The following ADCYAP1 variants were observed in gnomAD, a reference collection of about 807,000 sequenced individuals.
The protein encoded by ADCYAP1 is adenylate cyclase activating polypeptide 1.
ADCYAP1 carries 6 observed loss-of-function variants against 18.5 expected under a neutral mutation model. That is an observed-to-expected ratio of 0.32 (90% CI 0.18 to 0.64). The LOEUF (loss-of-function observed/expected upper bound fraction) is 0.64. Ranked by LOEUF, ADCYAP1 falls within the 30% of genes least tolerant of loss-of-function variation. ADCYAP1 has a pLI of 0.77. For synonymous variants in ADCYAP1, 136 were observed against 113.9 expected (o/e 1.19, Z -1.24); for missense variants, 314 against 253.6 (o/e 1.24, Z -1.62).
upstream of ADCYAP1, chr18:904,428 G>A (rs1177732839): frequency 7.8e-7 from 1 of 1,285,776 alleles, no homozygotes; most frequent in East Asian, 5.6e-5. Flanking sequence ...GTACTTAAAG[G>A]CAACAGGCAG....
At chr18:908,934 T>C (rs188514449) in intron 4 of ADCYAP1, among the ~76,000 whole-genome samples, 239 of 152,278 alleles carry the variant, frequency 1.6e-3, no homozygotes, top group African/African-American at 5.6e-3. Flanking sequence ...GCCTACAGCC[T>C]GTCGACTTAT....
rs1038526383 is a variant in ADCYAP1 at position 910,152 on chromosome 18, T to C, written c.*517T>C. Reference sequence around the variant, plus strand: ...CTCCAGGGAGATTTTGAGGTAAAGATATGGAGAATTGCTGAAGGGCATTCT... The same window carrying C: ...CTCCAGGGAGATTTTGAGGTAAAGACATGGAGAATTGCTGAAGGGCATTCT... On this transcript the variant is annotated 3_prime_UTR_variant, in exon 5 of 5. Transcript: ENST00000450565. 3 of 152,530 alleles carry C rather than the reference T, an allele frequency of 2.0e-5. No individual in the cohort carries two copies. The highest frequency in any genetic ancestry group is 6.5e-5 in the Admixed American group (1 of 15,268). The allele number at this position is 152,530 out of a possible 1,614,324, so 9.4% of individuals were successfully genotyped here. A position where few individuals can be genotyped will look rare whatever the true frequency, so the allele number is the denominator to read the frequency against.
chr18:908,316 G>A lies in ADCYAP1; in HGVS notation c.294G>A (p.Gln98=), dbSNP rs902479672. The stretch of plus-strand genomic sequence containing the variant: ...AGGCCTACCGCAAAGTGCTGGACCA[G>A]CTGTCCGCCGGGAAGCACCTGCAGT... The part of the protein sequence containing the change: ...LNEAYRKVLD[Q]LSAGKHLQSL... Residue 98 remains glutamine, a synonymous_variant, in exon 4 of 5, where the codon CAG becomes CAA. Transcript: ENST00000450565. The A allele has an allele frequency of 6.2e-7, 1 of 1,613,426 alleles. No individual in the cohort carries two copies. The highest frequency in any genetic ancestry group is 1.7e-5 in the Admixed American group (1 of 60,008).
chr18:906,957 AT>A (rs1050329662), intron 2 of ADCYAP1, among the ~76,000 whole-genome samples: 3 of 152,138 alleles, frequency 2.0e-5, no homozygotes, highest in Non-Finnish European at 4.4e-5. Context: ...ACCCTCAGCT[AT>A]TTTCAAGTTC....
chr18:909,353 G>T lies in ADCYAP1; in HGVS notation c.342-93G>T, dbSNP rs957334441. 2.3e-6 allele frequency: 3 copies of T among 1,292,750 alleles called. No individual in the cohort carries two copies. The African/African-American group carries it at 4.5e-5, about 19-fold the overall frequency. 80.1% of individuals were successfully genotyped at this position (1,292,750 alleles called of 1,614,324 possible). On this transcript the variant is annotated intron_variant, in intron 4 of 4. Transcript: ENST00000450565. ...TGCGAGCCCCGGGCCCTCCCCGAAG[G>T]CTCCCGCGTGGGGTGGGGCCCGCCT...
intron 4 of ADCYAP1, among the ~76,000 whole-genome samples, chr18:909,048 G>T (rs548449975): frequency 1.8e-4 from 28 of 152,328 alleles, no homozygotes; most frequent in African/African-American, 5.8e-4. Flanking sequence ...AGCCAGACTG[G>T]CATATGTAGG....
chr18:908,422 C>T (rs1598984813), intron 4 of ADCYAP1, 59 bp downstream of exon 4: 33 of 1,496,800 alleles, frequency 2.2e-5, no homozygotes, highest in Non-Finnish European at 2.9e-5. Flanking sequence ...GTGCGGGGCG[C>T]GCGGGGCGGG....
At chr18:907,441 A>T (rs930280885) in intron 2 of ADCYAP1, 8 of 415,308 alleles carry the variant, frequency 1.9e-5, no homozygotes, top group African/African-American at 2.8e-5. Context: ...TTACCCGCGA[A>T]GGGGGGGTGG....
rs2143125288 is a variant in ADCYAP1 at position 909,307 on chromosome 18, G to C, written c.342-139G>C. 3 of 786,018 alleles carry C rather than the reference G, an allele frequency of 3.8e-6. No individual in the cohort carries two copies. The East Asian group carries it at 8.8e-5, about 23-fold the overall frequency. 48.7% of individuals were successfully genotyped at this position (786,018 alleles called of 1,614,324 possible). On this transcript the variant is annotated intron_variant, in intron 4 of 4. Transcript: ENST00000450565. ...CTCCCCACGGCTGCTTCCAGGCAGA[G>C]GCGGGCGACGCGGTGGGCAGTGCGA... is the stretch of plus-strand genomic sequence containing the variant.
At chr18:907,568 G>A in intron 2 of ADCYAP1, 91 bp from the exon 3 acceptor site, 1 of 1,381,182 alleles carries the variant, frequency 7.2e-7, no homozygotes, top group East Asian at 2.7e-5. Context: ...TATCACCTGT[G>A]AAAATCCGCG....
rs772017243 is a variant in ADCYAP1 at position 908,254 on chromosome 18, CT to C, written c.243-10del. ...CAGTGACCCTGGGCGCGCACTTTGC[CT>C]CCCCGTTAGAGATGTCGCCCACGGG... is the stretch of plus-strand genomic sequence containing the variant. On this transcript the variant is annotated splice_polypyrimidine_tract_variant and intron_variant, in intron 3 of 4. Coordinates refer to ENST00000450565, the MANE Select transcript of ADCYAP1 (RefSeq NM_001099733.2). The C allele has an allele frequency of 6.2e-7, 1 of 1,607,804 alleles. No individual in the cohort carries two copies. The highest frequency in any genetic ancestry group is 8.5e-7 in the Non-Finnish European group (1 of 1,176,244).
chr18:905,186 A>C, intron 1 of ADCYAP1, 126 bp downstream of exon 1: 2 of 1,417,766 alleles, frequency 1.4e-6, no homozygotes, highest in East Asian at 5.2e-5. Context: ...CGCCGGGTAG[A>C]TGCATATATA....
In ADCYAP1 at chr18:907,680, C is replaced by A; in HGVS notation, c.132C>A (p.Gly44=). Reference sequence around the variant, plus strand: ...GCAGGCCAGAGGAAGAGGCGTACGGCGAGGACGGAAACCCGCTGCCAGACT... The same window carrying A: ...GCAGGCCAGAGGAAGAGGCGTACGGAGAGGACGGAAACCCGCTGCCAGACT... ...PGIRPEEEAY[G]EDGNPLPDFD... Residue 44 remains glycine, a synonymous_variant, in exon 3 of 5, where the codon GGC becomes GGA. Coordinates refer to ENST00000450565, the MANE Select transcript of ADCYAP1 (RefSeq NM_001099733.2). The A allele has an allele frequency of 6.3e-7, 1 of 1,575,264 alleles. No individual in the cohort carries two copies.
rs1363467352 is a variant in ADCYAP1, at chr18:904,884, C to T, written c.-178C>T. The T allele has an allele frequency of 1.4e-5, 18 of 1,288,272 alleles. No homozygotes were observed. The highest frequency in any genetic ancestry group is 1.6e-5 in the Non-Finnish European group (16 of 987,964). 79.8% of individuals were successfully genotyped at this position (1,288,272 alleles called of 1,614,324 possible). On this transcript the variant is annotated 5_prime_UTR_variant, in exon 1 of 5. Coordinates refer to ENST00000450565, the MANE Select transcript of ADCYAP1 (RefSeq NM_001099733.2). ...AAACTTTTGAGCAGAACACGAGCCT[C>T]GGCAAACGAGTCCCGCAGCTCCTCC...
At chr18:905,805 C>A (rs1246154170) in intron 2 of ADCYAP1, 2 of 442,962 alleles carry the variant, frequency 4.5e-6, no homozygotes, top group South Asian at 6.8e-5. Context: ...GGGCAGGGCA[C>A]GGCCCCTAGC....
intron 3 of ADCYAP1, 169 bp downstream of exon 3, chr18:907,959 G>A (rs1431972083): frequency 7.8e-7 from 1 of 1,276,238 alleles, no homozygotes; most frequent in South Asian, 1.8e-5. Flanking sequence ...AATCAGCAGC[G>A]GGCGGGTCTG....
In ADCYAP1 at chr18:907,721, C is replaced by T. The variant is rs576646476; in HGVS notation, c.173C>T (p.Pro58Leu). ...NPLPDFDGSE[P>L]PGAGSPASAP... ...CTGCCAGACTTCGATGGCTCGGAGC[C>T]GCCGGGCGCAGGGAGCCCCGCCTCC... Residue 58 changes from proline (P) to leucine (L), a missense_variant, in exon 3 of 5, where the codon CCG becomes CTG. Physicochemically the swap from Pro to Leu is moderately conservative, Grantham distance 98. Coordinates refer to ENST00000450565, the MANE Select transcript of ADCYAP1 (RefSeq NM_001099733.2). The T allele has an allele frequency of 1.3e-6, 2 of 1,538,266 alleles. No homozygotes were observed. Among genetic ancestry groups the T allele is most frequent in the Non-Finnish European group, 1.7e-6 (2 of 1,149,458 alleles).
chr18:907,996 C>T, intron 3 of ADCYAP1: 1 of 993,496 alleles, frequency 1.0e-6, no homozygotes, highest in Non-Finnish European at 1.4e-6. Flanking sequence ...GCGTGGGGAC[C>T]GAGGGGGGCT....
chr18:909,146 G>A (rs1322381357), intron 4 of ADCYAP1, among the ~76,000 whole-genome samples: 3 of 129,674 alleles, frequency 2.3e-5, no homozygotes, highest in Non-Finnish European at 4.5e-5. Flanking sequence ...GGATCTCAAG[G>A]GGGCAGCGCT....
Sources: allele counts gnomAD v4.1 joint callset (sites outside exome capture counted in the v4.1 genomes callset), GRCh38; gene constraint gnomAD v4.1.1; transcripts MANE v1.5; gene names NCBI Gene and HGNC (gene_info 2026-07-23, HGNC 2026-07-21).